C4orf50: variants seen among roughly 807,000 people sequenced by gnomAD.
C4orf50 encodes uncharacterized protein C4orf50.
Under a neutral mutation model 77.2 loss-of-function variants are expected in C4orf50, and 80 were observed. That is an observed-to-expected ratio of 1.04 (90% CI 0.87 to 1.25). The LOEUF (loss-of-function observed/expected upper bound fraction) is 1.25. Among genes scored for constraint, C4orf50 ranks in the 50% most tolerant of loss-of-function variants. The pLI is 0.00. For missense variants in C4orf50, 1,257 were observed against 1,152.9 expected (o/e 1.09, Z -1.31); for synonymous variants, 532 against 465.3 (o/e 1.14, Z -1.84).
chr4:5,938,885 G>A (rs1718147738), intron 7 of C4orf50, among the ~76,000 whole-genome samples: 1 of 151,808 alleles, frequency 6.6e-6, no homozygotes, highest in Non-Finnish European at 1.5e-5. Context: ...GTGACAGATG[G>A]CGTCTCCATC....
At chr4:5,911,275 A>C (rs1301889325) in intron 7 of C4orf50, among the ~76,000 whole-genome samples, 2 of 152,202 alleles carry the variant, frequency 1.3e-5, no homozygotes, top group Non-Finnish European at 1.5e-5. Context: ...GAACCCCCAC[A>C]TCGAGTATCT....
At chr4:5,973,797 G>A (rs770336416) in exon 31 of C4orf50, 1 of 1,613,582 alleles carries the variant, frequency 6.2e-7, no homozygotes, top group Non-Finnish European at 8.5e-7. Context: ...GGGTGATCAG[G>A]CGGTTCCTCT....
chr4:5,989,434 G>A, exon 28 of C4orf50: 1 of 1,536,088 alleles, frequency 6.5e-7, no homozygotes, highest in Middle Eastern at 1.7e-4. Flanking sequence ...ACTCTCTTTA[G>A]ACTTCGCTTC....
At chr4:5,904,462 G>A (rs1716462927) in intron 7 of C4orf50, 1 of 152,248 alleles carries the variant, frequency 6.6e-6, no homozygotes, top group African/African-American at 2.4e-5. Context: ...AGAAGGCTGG[G>A]TGTGGAAGCT....
At chr4:6,004,213 T>G (rs1722074034) in intron 25 of C4orf50, among the ~76,000 whole-genome samples, 1 of 95,838 alleles carries the variant, frequency 1.0e-5, no homozygotes, top group African/African-American at 3.8e-5. Context: ...GTGATGATGG[T>G]GATGGTGATG....
Position 5,984,446 on chromosome 4 carries a change from T to C in C4orf50, c.3699+3901A>G, listed in dbSNP as rs545962902. ...CAAGGTCTTCAAAATAATTATGATC[T>C]ATGTATTTTTTAAAACATAGGAAAA... On this transcript the variant is annotated intron_variant, in intron 28 of 33. Coordinates refer to ENST00000531445, the Ensembl canonical transcript of C4orf50. Among the ~76,000 whole-genome samples, 6 of 152,342 alleles carry C rather than the reference T, an allele frequency of 3.9e-5. No individual in the cohort carries two copies. In the East Asian group the frequency reaches 1.2e-3, roughly 29 times the overall value.
At chr4:6,001,362 C>T (rs962979358) in intron 25 of C4orf50, among the ~76,000 whole-genome samples, 2 of 152,178 alleles carry the variant, frequency 1.3e-5, no homozygotes, top group Admixed American at 6.5e-5. Flanking sequence ...GTTGGACAGG[C>T]TGGTCACTTT....
intron 23 of C4orf50, among the ~76,000 whole-genome samples, chr4:6,016,422 G>A (rs1396694007): frequency 4.6e-5 from 7 of 152,118 alleles, no homozygotes; most frequent in African/African-American, 9.7e-5. Flanking sequence ...GGTGATGGGC[G>A]CCTATAGTCC....
At chr4:5,915,011 A>G (rs1303088425) in intron 7 of C4orf50, among the ~76,000 whole-genome samples, 1 of 152,180 alleles carries the variant, frequency 6.6e-6, no homozygotes, top group Non-Finnish European at 1.5e-5. Flanking sequence ...TCAGAAAGTA[A>G]TTACTCTAAA....
At chr4:5,903,610 A>G (rs1716426858) in intron 7 of C4orf50, 2 of 152,138 alleles carry the variant, frequency 1.3e-5, no homozygotes, top group African/African-American at 2.4e-5. Context: ...AGAGATAGGA[A>G]GTAGAAGGGT....
At chr4:5,999,037 C>A (rs1721716421) in intron 25 of C4orf50, among the ~76,000 whole-genome samples, 1 of 152,172 alleles carries the variant, frequency 6.6e-6, no homozygotes, top group Non-Finnish European at 1.5e-5. Flanking sequence ...GCATATGACC[C>A]CAGGCAAGTT....
chr4:5,983,079 C>G (rs1720680660), intron 28 of C4orf50, among the ~76,000 whole-genome samples: 1 of 152,176 alleles, frequency 6.6e-6, no homozygotes, highest in South Asian at 2.1e-4. Context: ...GCTCTATCAC[C>G]AAGTCCCGTG....
chr4:5,922,176 C>T (rs1305661762), intron 7 of C4orf50, among the ~76,000 whole-genome samples: 5 of 152,148 alleles, frequency 3.3e-5, no homozygotes, highest in Non-Finnish European at 5.9e-5. Flanking sequence ...GCACAGGGAC[C>T]ACATGCAGGG....
At position 5,970,609 on chromosome 4, in the gene C4orf50, A is replaced by C. The variant is rs1719854105; in HGVS notation, c.4104+3050T>G. On this transcript the variant is annotated intron_variant, in intron 31 of 33. Transcript: ENST00000531445. The surrounding 1 kb of genome is among the most constrained non-coding windows in gnomAD (Gnocchi z 4.3). ...GCCTGCAGAAAGGGCACTGGGGCCA[A>C]ACCGACTCTGAGGCTCAATTTCCAC... Among the ~76,000 whole-genome samples, 2 of 152,210 alleles carry C rather than the reference A, an allele frequency of 1.3e-5. No individual in the cohort carries two copies. The highest frequency in any genetic ancestry group is 4.8e-5 in the African/African-American group (2 of 41,456).
intron 7 of C4orf50, among the ~76,000 whole-genome samples, chr4:5,909,777 G>A (rs146120127): frequency 3.1e-4 from 47 of 152,342 alleles, no homozygotes; most frequent in African/African-American, 9.9e-4. Context: ...TTTCCCCAAT[G>A]TATGTTCTTG....
At chr4:5,986,751 C>A (rs1720885629) in intron 28 of C4orf50, among the ~76,000 whole-genome samples, 1 of 152,024 alleles carries the variant, frequency 6.6e-6, no homozygotes, top group African/African-American at 2.4e-5. Context: ...ATTGGCCAGG[C>A]AGGTCTCGAA....
intron 7 of C4orf50, among the ~76,000 whole-genome samples, chr4:5,935,431 T>C (rs1717964484): frequency 6.6e-6 from 1 of 152,096 alleles, no homozygotes; most frequent in South Asian, 2.1e-4. Context: ...GAATTTGGGG[T>C]TGAACTCCCT....
At chr4:5,973,785 G>T (rs777968808) in exon 31 of C4orf50, 4 of 1,613,772 alleles carry the variant, frequency 2.5e-6, no homozygotes, top group Non-Finnish European at 3.4e-6. Context: ...CCTGCAGCAG[G>T]TGGGTGATCA....
At chr4:6,012,126 A>G (rs564087574) in intron 23 of C4orf50, among the ~76,000 whole-genome samples, 158 bp from the exon 2 acceptor site, 3 of 152,220 alleles carry the variant, frequency 2.0e-5, no homozygotes, top group Admixed American at 6.5e-5. Flanking sequence ...ATTCATGTAT[A>G]TAGTTCTAAA....
Sources: gnomAD v4.1 joint callset for allele counts (sites outside exome capture counted in the v4.1 genomes callset) on GRCh38, gnomAD v4.1.1 for gene constraint, Gnocchi (gnomAD v3.1) non-coding constraint, MANE v1.5 for transcripts, NCBI Gene and HGNC (gene_info 2026-07-23, HGNC 2026-07-21) for gene names.